NDE1: variants seen among roughly 807,000 people sequenced by gnomAD.
The protein encoded by NDE1 is nuclear distribution protein nudE homolog 1.
A neutral mutation model predicts 43.4 loss-of-function variants in NDE1; 28 were observed. That is an observed-to-expected ratio of 0.65 (90% CI 0.48 to 0.89). The LOEUF is 0.89. NDE1 is among the 40% of genes least tolerant of loss of function. The probability of loss-of-function intolerance (pLI) is 0.00; values close to 1 mark genes in which losing one functional copy is unlikely to be tolerated. For synonymous variants in NDE1, 184 were observed against 172.0 expected, an observed-to-expected ratio of 1.07 and a Z score of -0.55; for missense variants, 441 against 434.1, an observed-to-expected ratio of 1.02 and a Z score of -0.14.
At chr16:15,705,752 C>A (rs1288968077) in intron 8 of NDE1, among the ~76,000 whole-genome samples, 3 of 151,870 alleles carry the variant, frequency 2.0e-5, no homozygotes, top group African/African-American at 7.3e-5. Flanking sequence ...GAGGCTGAGG[C>A]GGGCGGATCA....
intron 8 of NDE1, among the ~76,000 whole-genome samples, chr16:15,722,707 C>T (rs1347033129): frequency 6.6e-6 from 1 of 152,166 alleles, no homozygotes; most frequent in East Asian, 1.9e-4. Flanking sequence ...AGGGAACCTG[C>T]AGGCATCTGG....
intron 8 of NDE1, among the ~76,000 whole-genome samples, chr16:15,705,352 C>T (rs780809087): frequency 3.3e-5 from 5 of 152,278 alleles, no homozygotes; most frequent in East Asian, 1.9e-4. Context: ...CTCCTCTCTG[C>T]GCTGGTTCTC....
chr16:15,697,423 T>C (rs2039064879), intron 8 of NDE1, among the ~76,000 whole-genome samples: 1 of 152,108 alleles, frequency 6.6e-6, no homozygotes, highest in Admixed American at 6.6e-5. Flanking sequence ...AAAGCCCTTA[T>C]TTGGGCCAGG....
chr16:15,719,425 A>C, intron 8 of NDE1: 1 of 1,459,888 alleles, frequency 6.8e-7, no homozygotes, highest in East Asian at 2.3e-5. Flanking sequence ...AGCTCAGGGG[A>C]GGCCCCGTGA....
chr16:15,702,466 C>T (rs1042263789), intron 8 of NDE1, among the ~76,000 whole-genome samples: 8 of 152,102 alleles, frequency 5.3e-5, no homozygotes, highest in Admixed American at 3.9e-4. Context: ...TCATAGCTCA[C>T]TGCAGCCTGG....
At chr16:15,670,822 G>T (rs544928986) in intron 3 of NDE1, among the ~76,000 whole-genome samples, 1 of 152,058 alleles carries the variant, frequency 6.6e-6, no homozygotes, top group Non-Finnish European at 1.5e-5. Context: ...AATGGGTGTC[G>T]GGTGGACCTT....
chr16:15,703,951 T>G (rs544941741), intron 8 of NDE1: 42 of 1,613,668 alleles, frequency 2.6e-5, no homozygotes, highest in Admixed American at 1.7e-4. Context: ...TGTTTTGGTT[T>G]TTGGTTTTCT....
rs1376881641 is a variant in NDE1, at chr16:15,724,350, C to T, written c.*99C>T. The T allele has an allele frequency of 3.7e-6, 6 of 1,614,038 alleles. No individual in the cohort carries two copies. The highest frequency in any genetic ancestry group is 5.1e-6 in the Non-Finnish European group (6 of 1,180,030). ...TCTCCTTCTGGAACCTCTTCTTCCC[C>T]TCTTCCAGAGCTTCCACGGTGCTGG... On this transcript the variant is annotated 3_prime_UTR_variant, in exon 9 of 9. Coordinates refer to ENST00000396354, the MANE Select transcript of NDE1 (RefSeq NM_017668.3).
intron 8 of NDE1, among the ~76,000 whole-genome samples, chr16:15,706,210 C>G (rs2039445410): frequency 6.6e-6 from 1 of 152,156 alleles, no homozygotes; most frequent in South Asian, 2.1e-4. Context: ...AGAGAAGCTT[C>G]TGGACTTGCA....
intron 1 of NDE1, 103 bp from the exon 2 acceptor site, chr16:15,664,633 G>A: frequency 1.4e-6 from 1 of 705,622 alleles, no homozygotes; most frequent in Non-Finnish European, 2.5e-6. Context: ...GGGATTATAG[G>A]CGTGAGCCAC....
chr16:15,705,457 C>G (rs1198884730), intron 8 of NDE1, among the ~76,000 whole-genome samples: 1 of 152,194 alleles, frequency 6.6e-6, no homozygotes, highest in Non-Finnish European at 1.5e-5. Context: ...AAGGAAAAAT[C>G]AGATCTGCCT....
intron 8 of NDE1, among the ~76,000 whole-genome samples, chr16:15,710,802 C>T (rs2039743719): frequency 6.6e-6 from 1 of 152,014 alleles, no homozygotes; most frequent in Non-Finnish European, 1.5e-5. Flanking sequence ...CTCAGCCTCA[C>T]GAGTAGCTGG....
intron 8 of NDE1, chr16:15,719,204 C>G (rs754187827): frequency 2.7e-5 from 44 of 1,612,120 alleles, no homozygotes; most frequent in Non-Finnish European, 3.7e-5. Flanking sequence ...CCCTCTTCCT[C>G]CATTCAGTTT....
chr16:15,720,252 C>G, intron 8 of NDE1: 1 of 1,614,170 alleles, frequency 6.2e-7, no homozygotes. Context: ...TTCTTCTTTG[C>G]TGCAGCTGCC....
intron 4 of NDE1, among the ~76,000 whole-genome samples, chr16:15,681,581 G>C (rs1441969055): frequency 6.6e-6 from 1 of 151,912 alleles, no homozygotes; most frequent in African/African-American, 2.4e-5. Context: ...TTTAAAATTG[G>C]GTTGTTCGTT....
At chr16:15,667,870 T>C (rs1331438518) in intron 3 of NDE1, among the ~76,000 whole-genome samples, 1 of 151,808 alleles carries the variant, frequency 6.6e-6, no homozygotes, top group African/African-American at 2.4e-5. Flanking sequence ...GACCTCGGGA[T>C]CCATGATGGG....
In NDE1 at chr16:15,719,273, C is replaced by T. The variant is rs147582612; in HGVS notation, c.948-4918C>T. ...CTGCCAGTTCCTCCTTCTCGAGGTC[C>T]GCTTGTTTGCGAGCCCTCTCAGCGG... On this transcript the variant is annotated intron_variant, in intron 8 of 8. Coordinates refer to ENST00000396354, the MANE Select transcript of NDE1 (RefSeq NM_017668.3). The T allele has an allele frequency of 3.0e-5, 48 of 1,612,886 alleles. No individual in the cohort carries two copies. The highest frequency in any genetic ancestry group is 2.8e-4 in the African/African-American group (21 of 74,908).
intron 4 of NDE1, chr16:15,686,711 GTTA>G (rs1223693371): frequency 2.2e-5 from 6 of 270,816 alleles, no homozygotes; most frequent in Non-Finnish European, 2.8e-5. Context: ...TGTTTATTAG[GTTA>G]TTATTATTTT....
chr16:15,644,666 A>T (rs539288261), intron 1 of NDE1, among the ~76,000 whole-genome samples: 3 of 152,294 alleles, frequency 2.0e-5, no homozygotes, highest in African/African-American at 7.2e-5. Context: ...TATAGGTAGT[A>T]TTTTCCAAGT....
Sources: gnomAD v4.1 joint callset for allele counts (sites outside exome capture counted in the v4.1 genomes callset) on GRCh38, gnomAD v4.1.1 for gene constraint, MANE v1.5 for transcripts, NCBI Gene and HGNC (gene_info 2026-07-23, HGNC 2026-07-21) for gene names.